ZNF106: variants seen among roughly 807,000 people sequenced by gnomAD.
The protein encoded by ZNF106 is SH3-domain binding protein 3.
In ZNF106, 67 loss-of-function variants were observed where a neutral mutation model predicts 195.1. The observed-to-expected ratio is 0.34, with a 90% CI of 0.28 to 0.42. ZNF106 has a LOEUF of 0.42. Among genes scored for constraint, ZNF106 ranks in the 10% least tolerant of loss-of-function variants. The pLI, the probability that ZNF106 is intolerant of heterozygous loss-of-function variation, is 1.00. For synonymous variants in ZNF106, 784 were observed against 818.6 expected (o/e 0.96, Z 0.72); for missense variants, 2,118 against 2,304.5 (o/e 0.92, Z 1.66).
intron 3 of ZNF106, among the ~76,000 whole-genome samples, chr15:42,460,057 A>AG (rs1398849145): frequency 6.7e-6 from 1 of 150,374 alleles, no homozygotes; most frequent in Non-Finnish European, 1.5e-5. Flanking sequence ...AAAAAAAAAA[A>AG]GAAAATATTT....
intron 17 of ZNF106, 137 bp downstream of exon 17, chr15:42,423,861 G>T: frequency 1.4e-6 from 1 of 691,592 alleles, no homozygotes; most frequent in Non-Finnish European, 2.3e-6. Context: ...TTATCCAAGA[G>T]CATATGCACA....
At chr15:42,440,994 AAAAAATATAT>A (rs1201252120) in intron 10 of ZNF106, among the ~76,000 whole-genome samples, 2 of 54,510 alleles carry the variant, frequency 3.7e-5, no homozygotes, top group African/African-American at 2.7e-4. Flanking sequence ...AAAAAAAAAA[AAAAAATATAT>A]ATATATATAT....
intron 1 of ZNF106, among the ~76,000 whole-genome samples, chr15:42,489,194 A>T (rs1340134064): frequency 2.1e-5 from 3 of 144,104 alleles, no homozygotes; most frequent in Non-Finnish European, 3.0e-5. Context: ...TTATTTTTTA[A>T]TTTTTTTTTT....
At position 42,450,450 on chromosome 15, in the gene ZNF106, C is replaced by G. The variant is rs376128302; in HGVS notation, c.1822G>C (p.Ala608Pro). ...GSLKIEFQVH[A>P]LEDESDGETS... ...TCTCCATCACTTTCATCTTCTAGTGCGTGCACTTGAAACTCAATTTTCAAA... is the reference window on the plus strand; with the variant it reads ...TCTCCATCACTTTCATCTTCTAGTGGGTGCACTTGAAACTCAATTTTCAAA... The change falls in exon 5 of 22, where the codon GCA (alanine) becomes CCA (proline). Residue 608 changes from alanine to proline, a missense_variant. Physicochemically the swap from Ala to Pro is conservative, Grantham distance 27. Transcript: ENST00000564754. 10 of 1,614,146 alleles carry G rather than the reference C, an allele frequency of 6.2e-6. No homozygotes were observed. The highest frequency in any genetic ancestry group is 8.5e-6 in the Non-Finnish European group (10 of 1,180,022).
Position 42,424,042 on chromosome 15 carries a change from A to C in ZNF106, c.5209T>G (p.Phe1737Val). 6.2e-7 allele frequency: 1 copy of C among 1,613,376 alleles called. No homozygotes were observed. The highest frequency in any genetic ancestry group is 8.5e-7 in the Non-Finnish European group (1 of 1,179,810). Reference sequence around the variant, plus strand: ...ACTGACTGATCACTGGAGCCACTGAACACGAGATCATTCACCACCTTAAAG... The same window carrying C: ...ACTGACTGATCACTGGAGCCACTGACCACGAGATCATTCACCACCTTAAAG... The part of the protein sequence containing the change: ...LCMKVVNDLV[F>V]SGSSDQSVHA... Residue 1737 changes from phenylalanine to valine, a missense_variant, in exon 17 of 22, where the codon TTC (phenylalanine) becomes GTC (valine). Coordinates refer to ENST00000564754, the MANE Select transcript of ZNF106 (RefSeq NM_001366845.3).
chr15:42,486,131 T>A (rs1446238318), intron 1 of ZNF106, among the ~76,000 whole-genome samples: 1 of 151,970 alleles, frequency 6.6e-6, no homozygotes, highest in Non-Finnish European at 1.5e-5. Flanking sequence ...AGCTAACTTT[T>A]GTATTTTTTA....
intron 14 of ZNF106, among the ~76,000 whole-genome samples, chr15:42,434,805 C>T (rs1278198091): frequency 6.8e-6 from 1 of 147,030 alleles, no homozygotes; most frequent in Non-Finnish European, 1.5e-5. Context: ...CGGAGCTTCG[C>T]TCTTGTTGCC....
At chr15:42,424,328 A>T (rs1157092263) in intron 16 of ZNF106, 1 of 408,896 alleles carries the variant, frequency 2.4e-6, no homozygotes, top group Non-Finnish European at 4.4e-6. Flanking sequence ...GTATACCCAC[A>T]GTATAACAAA....
rs141714819 is a variant in ZNF106 at position 42,446,948 on chromosome 15, T to C, written c.3136-290A>G. Among the ~76,000 whole-genome samples, 909 of 152,308 alleles carry C rather than the reference T, an allele frequency of 6.0e-3. 7 individuals are homozygous for C. Among genetic ancestry groups the C allele is most frequent in the Admixed American group, 9.9e-3 (152 of 15,298 alleles). On this transcript the variant is annotated intron_variant, in intron 6 of 21. Transcript: ENST00000564754. Reference sequence around the variant, plus strand: ...TCATCTTGGTGTAGTAAGGCACAAGTAGAAGTATAGACAAAGCCAGTAAAA... The same window carrying C: ...TCATCTTGGTGTAGTAAGGCACAAGCAGAAGTATAGACAAAGCCAGTAAAA...
chr15:42,426,397 TAAA>T (rs869047270), intron 15 of ZNF106, among the ~76,000 whole-genome samples: 1 of 137,646 alleles, frequency 7.3e-6, no homozygotes, highest in Admixed American at 7.3e-5. Flanking sequence ...GTCTACTACT[TAAA>T]AAAAAAAAAA....
In ZNF106 at chr15:42,480,791, C is replaced by A. The variant is rs1018936122; in HGVS notation, c.-32-8470G>T. Among the ~76,000 whole-genome samples, 4 of 152,086 alleles carry A rather than the reference C, an allele frequency of 2.6e-5. No individual in the cohort carries two copies. In the East Asian group the frequency reaches 7.7e-4, roughly 29 times the overall value. On this transcript the variant is annotated intron_variant, in intron 1 of 21. Transcript: ENST00000564754. Reference sequence around the variant, plus strand: ...CCTGAGGTCAGGAGTTTGAGACCAGCCTGGCCAACAAGGTGAAACCATGTC... The same window carrying A: ...CCTGAGGTCAGGAGTTTGAGACCAGACTGGCCAACAAGGTGAAACCATGTC...
chr15:42,422,391 AAT>A, intron 18 of ZNF106, 108 bp downstream of exon 18: 1 of 1,381,954 alleles, frequency 7.2e-7, no homozygotes, highest in South Asian at 1.4e-5. Context: ...TGCTTGTGAA[AAT>A]ACAGATTCCT....
rs547316920 is a variant in ZNF106, at chr15:42,453,785, G to A, written c.318-1831C>T. 1.2e-4 allele frequency among the ~76,000 whole-genome samples: 18 copies of A among 152,062 alleles called. 1 individual carries two copies. The South Asian group carries it at 3.3e-3, about 28-fold the overall frequency. ...TAATTTTTGTATTTTTAGTAGAGAC[G>A]GGGTTCCACCATGTTGGCCAGGCTG... On this transcript the variant is annotated intron_variant, in intron 4 of 21. Coordinates refer to ENST00000564754, the MANE Select transcript of ZNF106 (RefSeq NM_001366845.3).
chr15:42,456,728 G>T (rs1449435133), intron 4 of ZNF106, among the ~76,000 whole-genome samples: 3 of 151,760 alleles, frequency 2.0e-5, no homozygotes, highest in Non-Finnish European at 4.4e-5. Context: ...AAAAATTTCA[G>T]ATATGTAGCT....
At chr15:42,417,661 AC>A in intron 21 of ZNF106, 143 bp downstream of exon 21, 3 of 972,254 alleles carry the variant, frequency 3.1e-6, no homozygotes, top group Non-Finnish European at 2.9e-6. Context: ...TCATTAAGCT[AC>A]CCCCCAAATC....
chr15:42,446,835 G>A (rs914309310), intron 6 of ZNF106, among the ~76,000 whole-genome samples, 177 bp from the exon 7 acceptor site: 5 of 152,078 alleles, frequency 3.3e-5, no homozygotes, highest in African/African-American at 9.7e-5. Context: ...TTGAATAAAC[G>A]TATCTGATTT....
At chr15:42,455,491 C>T (rs2056196728) in intron 4 of ZNF106, among the ~76,000 whole-genome samples, 1 of 152,044 alleles carries the variant, frequency 6.6e-6, no homozygotes, top group African/African-American at 2.4e-5. Flanking sequence ...GGATGCTCAC[C>T]CTTTACTGAT....
At chr15:42,424,320 A>G (rs184799267) in intron 16 of ZNF106, 2 of 442,938 alleles carry the variant, frequency 4.5e-6, no homozygotes, top group East Asian at 7.2e-5. Context: ...GCATTCGAGT[A>G]TACCCACAGT....
chr15:42,415,489 A>G lies in ZNF106; in HGVS notation c.*1815T>C. ...ACTGGAGCCTTTCCTGGAAAAAAGAACACATACTCAGTCTCACACACAATT... is the reference window on the plus strand; with the variant it reads ...ACTGGAGCCTTTCCTGGAAAAAAGAGCACATACTCAGTCTCACACACAATT... On this transcript the variant is annotated 3_prime_UTR_variant, in exon 22 of 22. Coordinates refer to ENST00000564754, the MANE Select transcript of ZNF106 (RefSeq NM_001366845.3). 1 of 455,416 alleles carries G rather than the reference A, an allele frequency of 2.2e-6. No individual in the cohort carries two copies. 28.2% of individuals were successfully genotyped at this position (455,416 alleles called of 1,614,324 possible). A position where few individuals can be genotyped will look rare whatever the true frequency, so the allele number is the denominator to read the frequency against.
Sources: allele counts gnomAD v4.1 joint callset (sites outside exome capture counted in the v4.1 genomes callset), GRCh38; gene constraint gnomAD v4.1.1; transcripts MANE v1.5; gene names NCBI Gene and HGNC (gene_info 2026-07-23, HGNC 2026-07-21).